Variants in CHIC1 observed in about 807,000 individuals in gnomAD.
The protein encoded by CHIC1 is cysteine rich hydrophobic domain 1.
Under a neutral mutation model 18.5 loss-of-function variants are expected in CHIC1, and 7 were observed. The ratio of observed to expected loss-of-function variants is 0.38; its 90% CI spans 0.22 to 0.71. The LOEUF is 0.71. Ranked by LOEUF, CHIC1 falls within the 30% of genes least tolerant of loss-of-function variation. The pLI is 0.49. For synonymous variants in CHIC1, 77 were observed against 73.5 expected (o/e 1.05, Z -0.25); for missense variants, 159 against 176.9 (o/e 0.90, Z 0.57).
At chrX:73,644,864 C>T (rs545417410) in intron 3 of CHIC1, among the ~76,000 whole-genome samples, 6 of 111,478 alleles carry the variant, frequency 5.4e-5, no homozygotes, top group South Asian at 3.8e-4. Context: ...TTCCAGGTGC[C>T]GTCTGTCATC....
In CHIC1 at chrX:73,563,434, A is replaced by AGAGGAGGAAGAGGAG; in HGVS notation, c.162_176dup (p.Glu64_Glu68dup). The AGAGGAGGAAGAGGAG allele has an allele frequency of 1.7e-6, 2 of 1,151,936 alleles. No homozygotes were observed. The allele number at this position is 1,151,936 out of a possible 1,213,427, so 94.9% of individuals were successfully genotyped here. A position where few individuals can be genotyped will look rare whatever the true frequency, so the allele number is the denominator to read the frequency against. On this transcript the variant is annotated inframe_insertion, in exon 1 of 6. Coordinates refer to ENST00000373502, the MANE Select transcript of CHIC1 (RefSeq NM_001039840.4). Reference sequence around the variant, plus strand: ...ACGATGACGAGGAGGATGAGGAGGAAGAGGAGGAAGAGGAGGAGGAGGAAG... The same window carrying AGAGGAGGAAGAGGAG: ...ACGATGACGAGGAGGATGAGGAGGAAGAGGAGGAAGAGGAGGAGGAGGAAGAGGAGGAGGAGGAAG...
chrX:73,643,974 CT>C (rs1196892263), intron 3 of CHIC1, among the ~76,000 whole-genome samples: 1 of 111,803 alleles, frequency 8.9e-6, no homozygotes, highest in Non-Finnish European at 1.9e-5. Flanking sequence ...TTTTTCTGCT[CT>C]GTTTTTTCCC....
chrX:73,593,586 T>A (rs890478047), intron 3 of CHIC1, among the ~76,000 whole-genome samples: 5 of 112,039 alleles, frequency 4.5e-5, no homozygotes, highest in African/African-American at 1.6e-4. Flanking sequence ...AATTCCCTAT[T>A]TCTCAGAGAC....
At chrX:73,662,776 C>A (rs1228719870) in intron 3 of CHIC1, among the ~76,000 whole-genome samples, 1 of 110,590 alleles carries the variant, frequency 9.0e-6, no homozygotes, top group Non-Finnish European at 1.9e-5. Context: ...TATGATTAAA[C>A]CTCTTAACTG....
At chrX:73,671,885 C>A (rs1424325611) in intron 3 of CHIC1, among the ~76,000 whole-genome samples, 1 of 109,994 alleles carries the variant, frequency 9.1e-6, no homozygotes, top group African/African-American at 3.3e-5. Flanking sequence ...TCATCATTTA[C>A]CTTTAGGTAT....
rs976941514 is a variant in CHIC1 at position 73,621,115 on chromosome X, T to A, written c.507+36543T>A. On this transcript the variant is annotated intron_variant, in intron 3 of 5. Coordinates refer to ENST00000373502, the MANE Select transcript of CHIC1 (RefSeq NM_001039840.4). ...TGGTTACTGTAGCCTTGCAGTATAG[T>A]TTGAAGTCAGGTAGAGTGATGCCTC... 6.3e-5 allele frequency among the ~76,000 whole-genome samples: 7 copies of A among 111,970 alleles called. No individual in the cohort carries two copies. The East Asian group carries it at 1.4e-3, about 22-fold the overall frequency.
Position 73,685,368 on chromosome X carries a change from A to G in CHIC1, c.*4363A>G, listed in dbSNP as rs2058117321. ...CTGTCTATGCAGTTGGTATTCAGGC[A>G]AGAATTTTAGCTGTAACAACAATGG... On this transcript the variant is annotated 3_prime_UTR_variant, in exon 6 of 6. Coordinates refer to ENST00000373502, the MANE Select transcript of CHIC1 (RefSeq NM_001039840.4). 8.9e-6 allele frequency: 1 copy of G among 111,899 alleles called. No individual in the cohort carries two copies. The highest frequency in any genetic ancestry group is 9.6e-5 in the Admixed American group (1 of 10,471). The allele number at this position is 111,899 out of a possible 1,213,427, so 9.2% of individuals were successfully genotyped here.
At chrX:73,640,153 T>C (rs1402179103) in intron 3 of CHIC1, among the ~76,000 whole-genome samples, 3 of 111,776 alleles carry the variant, frequency 2.7e-5, no homozygotes, top group Non-Finnish European at 3.8e-5. Flanking sequence ...TTCGGTATGG[T>C]GTTGGCTGTG....
At chrX:73,605,674 G>T (rs1453949141) in intron 3 of CHIC1, among the ~76,000 whole-genome samples, 2 of 108,697 alleles carry the variant, frequency 1.8e-5, no homozygotes, top group African/African-American at 7.1e-5. Context: ...AGGAGCTCTT[G>T]TAAGGCAGGC....
intron 3 of CHIC1, among the ~76,000 whole-genome samples, chrX:73,678,408 T>C (rs1016737672): frequency 1.8e-5 from 2 of 112,044 alleles, no homozygotes; most frequent in Non-Finnish European, 3.8e-5. Flanking sequence ...AGGCCCTGGG[T>C]GGGCCAGTCC....
At position 73,600,839 on chromosome X, in the gene CHIC1, C is replaced by T. The variant is rs762250833; in HGVS notation, c.507+16267C>T. On this transcript the variant is annotated intron_variant, in intron 3 of 5. Transcript: ENST00000373502. Reference sequence around the variant, plus strand: ...TCTCACGTGCAGAGACACACATAGGCTCAAAATAAAGGGATGGAGGAAGAT... The same window carrying T: ...TCTCACGTGCAGAGACACACATAGGTTCAAAATAAAGGGATGGAGGAAGAT... 1.0e-4 allele frequency among the ~76,000 whole-genome samples: 11 copies of T among 105,954 alleles called. No individual in the cohort carries two copies. The East Asian group carries it at 3.2e-3, about 31-fold the overall frequency. The allele number at this position is 105,954 out of a possible 115,157, so 92.0% of individuals were successfully genotyped here. A position where few individuals can be genotyped will look rare whatever the true frequency, so the allele number is the denominator to read the frequency against.
intron 3 of CHIC1, among the ~76,000 whole-genome samples, chrX:73,644,385 G>A (rs2057876636): frequency 1.8e-5 from 2 of 112,137 alleles, no homozygotes; most frequent in African/African-American, 6.5e-5. Context: ...GCTGCATGCT[G>A]GGAGAACCAC....
At chrX:73,672,375 A>G (rs1269156385) in intron 3 of CHIC1, among the ~76,000 whole-genome samples, 11 of 111,593 alleles carry the variant, frequency 9.9e-5, no homozygotes, top group Non-Finnish European at 1.9e-4. Flanking sequence ...ACTAGTTTAC[A>G]GTCCCACCAA....
intron 1 of CHIC1, among the ~76,000 whole-genome samples, chrX:73,574,792 G>A (rs2057488901): frequency 9.1e-6 from 1 of 110,290 alleles, no homozygotes; most frequent in Non-Finnish European, 1.9e-5. Context: ...ATTTCTGATT[G>A]CACTTATTTG....
At chrX:73,587,970 C>CT (rs1337682730) in intron 3 of CHIC1, among the ~76,000 whole-genome samples, 3 of 111,198 alleles carry the variant, frequency 2.7e-5, no homozygotes, top group Non-Finnish European at 3.8e-5. Context: ...AGTTTGCTTC[C>CT]TTTTTTGTTA....
intron 3 of CHIC1, among the ~76,000 whole-genome samples, chrX:73,667,855 G>C (rs891881788): frequency 9.0e-6 from 1 of 110,814 alleles, no homozygotes; most frequent in Non-Finnish European, 1.9e-5. Context: ...GGATGATCTC[G>C]TGGAGTGTCT....
intron 3 of CHIC1, among the ~76,000 whole-genome samples, chrX:73,639,894 T>A (rs2057847281): frequency 8.9e-6 from 1 of 112,146 alleles, no homozygotes; most frequent in South Asian, 3.7e-4. Flanking sequence ...TGTGAAACTT[T>A]GCTGAAGTTG....
At chrX:73,646,930 A>C (rs892720094) in intron 3 of CHIC1, among the ~76,000 whole-genome samples, 14 of 112,427 alleles carry the variant, frequency 1.2e-4, no homozygotes, top group Non-Finnish European at 2.3e-4. Flanking sequence ...TCATAGTTTC[A>C]GGTCTTACAT....
chrX:73,563,524 T>G lies in CHIC1; in HGVS notation c.240T>G (p.His80Gln), dbSNP rs1302017311. 1 of 1,151,696 alleles carries G rather than the reference T, an allele frequency of 8.7e-7. No homozygotes were observed. The highest frequency in any genetic ancestry group is 1.2e-6 in the Non-Finnish European group (1 of 864,666). The allele number at this position is 1,151,696 out of a possible 1,213,427, so 94.9% of individuals were successfully genotyped here. A position where few individuals can be genotyped will look rare whatever the true frequency, so the allele number is the denominator to read the frequency against. ...PPPPRVVSEE[H>Q]LRRYAPDPVL... ...CGCCTCGGGTAGTGAGCGAGGAGCA[T>G]CTGCGGAGATATGCTCCCGACCCTG... Residue 80 changes from histidine to glutamine, a missense_variant, in exon 1 of 6, where the codon CAT (histidine) becomes CAG (glutamine). Physicochemically the swap from His to Gln is conservative, Grantham distance 24. Coordinates refer to ENST00000373502, the MANE Select transcript of CHIC1 (RefSeq NM_001039840.4).
Sources: allele counts gnomAD v4.1 joint callset (sites outside exome capture counted in the v4.1 genomes callset), GRCh38; gene constraint gnomAD v4.1.1; transcripts MANE v1.5; gene names NCBI Gene and HGNC (gene_info 2026-07-23, HGNC 2026-07-21).